Variants in CEP89 observed in about 807,000 individuals in gnomAD.
CEP89 encodes the protein centrosomal protein 89.
Under a neutral mutation model 97.6 loss-of-function variants are expected in CEP89, and 95 were observed. The observed-to-expected ratio is 0.97, with a 90% CI of 0.82 to 1.15. The LOEUF (loss-of-function observed/expected upper bound fraction) is 1.15. CEP89 is among the 50% of genes most tolerant of loss of function. CEP89 has a pLI of 0.00. For missense variants in CEP89, 869 were observed against 947.7 expected (o/e 0.92, Z 1.09); for synonymous variants, 354 against 349.1 (o/e 1.01, Z -0.16).
At chr19:32,902,859 G>T (rs753514767) in intron 14 of CEP89, among the ~76,000 whole-genome samples, 1 of 152,184 alleles carries the variant, frequency 6.6e-6, no homozygotes, top group Non-Finnish European at 1.5e-5. Flanking sequence ...ACAGTAGGCA[G>T]AACAATTTCT....
chr19:32,945,765 G>A (rs1027036038), intron 5 of CEP89, among the ~76,000 whole-genome samples: 7 of 152,164 alleles, frequency 4.6e-5, no homozygotes, highest in African/African-American at 1.7e-4. Context: ...GGCCTCCCAA[G>A]GAGCTGGGAT....
rs772525877 is a variant in CEP89 at position 32,900,002 on chromosome 19, G to C, written c.1734-4C>G. ...CTCAATTTTCTTTTGAGATTTCCTAGAGAGTTACCCCAAATGGTAGAATAA... is the reference window on the plus strand; with the variant it reads ...CTCAATTTTCTTTTGAGATTTCCTACAGAGTTACCCCAAATGGTAGAATAA... On this transcript the variant is annotated splice_region_variant and splice_polypyrimidine_tract_variant and intron_variant, in intron 15 of 18. Transcript: ENST00000305768. The C allele has an allele frequency of 1.9e-6, 3 of 1,613,788 alleles. No individual in the cohort carries two copies. Among genetic ancestry groups the C allele is most frequent in the Non-Finnish European group, 2.5e-6 (3 of 1,179,902 alleles).
At chr19:32,945,585 C>A (rs1970780960) in intron 5 of CEP89, among the ~76,000 whole-genome samples, 1 of 152,220 alleles carries the variant, frequency 6.6e-6, no homozygotes, top group South Asian at 2.1e-4. Context: ...GTAGAGGGTG[C>A]TGGAGAGACG....
chr19:32,928,346 TTTCCTTCCGCCC>T (rs1449787750), intron 9 of CEP89, among the ~76,000 whole-genome samples: 5 of 152,104 alleles, frequency 3.3e-5, no homozygotes, highest in Non-Finnish European at 7.4e-5. Flanking sequence ...ACTGGTTTCT[TTTCCTTCCGCCC>T]TTCCTTCCTC....
rs557874791 is a variant in CEP89, at chr19:32,936,324, G to A, written c.667+1307C>T. ...CTTTGGGCACCCATGAGCACAGGAG[G>A]GAAAGACAAGGGGGTGCTGAGGATG... On this transcript the variant is annotated intron_variant, in intron 7 of 18. Coordinates refer to ENST00000305768, the MANE Select transcript of CEP89 (RefSeq NM_032816.5). The surrounding 1 kb of genome is among the most constrained non-coding windows in gnomAD (Gnocchi z 4.5). Among the ~76,000 whole-genome samples the A allele has an allele frequency of 6.6e-6, 1 of 152,320 alleles. No homozygotes were observed. Among genetic ancestry groups the A allele is most frequent in the South Asian group, 2.1e-4 (1 of 4,824 alleles).
chr19:32,938,445 C>A (rs776554585), intron 6 of CEP89, among the ~76,000 whole-genome samples: 1 of 152,116 alleles, frequency 6.6e-6, no homozygotes, highest in Non-Finnish European at 1.5e-5. Flanking sequence ...GCTTCTCAAC[C>A]CCAAACCTAG....
chr19:32,885,718 T>C (rs1048358196), intron 17 of CEP89, among the ~76,000 whole-genome samples: 2 of 152,242 alleles, frequency 1.3e-5, no homozygotes, highest in Non-Finnish European at 2.9e-5. Context: ...TTTCAGGACA[T>C]AGATTCAAGT....
chr19:32,969,254 T>C lies in CEP89; in HGVS notation c.39+2582A>G, dbSNP rs1402076842. On this transcript the variant is annotated intron_variant, in intron 1 of 18. Transcript: ENST00000305768. ...TGTCCCCTCGTCTCTACCATCTTCATCCTCTGGCTATTCTCTGCGCTGCTC... is the reference window on the plus strand; with the variant it reads ...TGTCCCCTCGTCTCTACCATCTTCACCCTCTGGCTATTCTCTGCGCTGCTC... The C allele has an allele frequency of 4.6e-5, 7 of 152,492 alleles. No individual in the cohort carries two copies. In the East Asian group the frequency reaches 1.3e-3, roughly 29 times the overall value. 9.4% of individuals were successfully genotyped at this position (152,492 alleles called of 1,614,324 possible). A position where few individuals can be genotyped will look rare whatever the true frequency, so the allele number is the denominator to read the frequency against.
chr19:32,951,534 T>TATATATATACAC (rs1407110112), intron 4 of CEP89, among the ~76,000 whole-genome samples: 27 of 122,034 alleles, frequency 2.2e-4, no homozygotes, highest in African/African-American at 8.9e-4. Flanking sequence ...TATATATATA[T>TATATATATACAC]ACACACACAC....
chr19:32,951,893 A>T (rs1568576966), intron 4 of CEP89, among the ~76,000 whole-genome samples: 1 of 152,080 alleles, frequency 6.6e-6, no homozygotes. Context: ...TATTGTAGTA[A>T]GCTTTCCCTC....
intron 3 of CEP89, 106 bp downstream of exon 3, chr19:32,959,794 T>TACACA: frequency 8.0e-7 from 1 of 1,250,070 alleles, no homozygotes; most frequent in Non-Finnish European, 1.1e-6. Flanking sequence ...CCCACACAGG[T>TACACA]ACACATGCAC....
intron 5 of CEP89, among the ~76,000 whole-genome samples, chr19:32,943,693 T>A (rs1476706847): frequency 6.6e-6 from 1 of 151,008 alleles, no homozygotes; most frequent in African/African-American, 2.4e-5. Context: ...CATTAGGTAG[T>A]GGGGAGGGAG....
chr19:32,967,284 G>C (rs1971303480), intron 1 of CEP89, among the ~76,000 whole-genome samples: 1 of 152,106 alleles, frequency 6.6e-6, no homozygotes, highest in South Asian at 2.1e-4. Context: ...TCCGCTTTAG[G>C]TAACTGTAAC....
In CEP89 at chr19:32,922,847, C is replaced by CA. The variant is rs11299527; in HGVS notation, c.1268+591dup. ...TGGCCAACACAGCAAGACTCTGTCT[C>CA]AAAAAAAAAAAAAGAAAAGAAACAG... On this transcript the variant is annotated intron_variant, in intron 12 of 18. Transcript: ENST00000305768. 4.3e-4 allele frequency among the ~76,000 whole-genome samples: 62 copies of CA among 144,274 alleles called. No individual in the cohort carries two copies. In the East Asian group the frequency reaches 8.1e-3, roughly 19 times the overall value. 94.6% of individuals were successfully genotyped at this position (144,274 alleles called of 152,430 possible). A position where few individuals can be genotyped will look rare whatever the true frequency, so the allele number is the denominator to read the frequency against.
chr19:32,956,530 G>A (rs1288185777), intron 3 of CEP89, among the ~76,000 whole-genome samples: 1 of 151,608 alleles, frequency 6.6e-6, no homozygotes, highest in African/African-American at 2.4e-5. Flanking sequence ...ATGCCAGGAT[G>A]ATTTTTGTAT....
At chr19:32,880,274 G>A (rs984937317) in intron 18 of CEP89, among the ~76,000 whole-genome samples, 1 of 152,236 alleles carries the variant, frequency 6.6e-6, no homozygotes, top group African/African-American at 2.4e-5. Context: ...TTTGCAGGTG[G>A]ACTTCGCACC....
Position 32,891,107 on chromosome 19 carries a change from G to A in CEP89, c.1876-3266C>T, listed in dbSNP as rs190612983. Among the ~76,000 whole-genome samples the A allele has an allele frequency of 1.1e-3, 168 of 152,278 alleles. 2 individuals are homozygous for A. Among genetic ancestry groups the A allele is most frequent in the South Asian group, 3.7e-3 (18 of 4,826 alleles). On this transcript the variant is annotated intron_variant, in intron 16 of 18. Coordinates refer to ENST00000305768, the MANE Select transcript of CEP89 (RefSeq NM_032816.5). ...GGCTGCCCATGAGAGCAAGGGAGCC[G>A]AAGCAAGTGCTCCCCAATCCTGAAA...
At chr19:32,881,454 C>T (rs548992941) in intron 18 of CEP89, among the ~76,000 whole-genome samples, 26 of 152,192 alleles carry the variant, frequency 1.7e-4, no homozygotes, top group African/African-American at 4.8e-4. Flanking sequence ...CGCTTGAATC[C>T]GGGAGGCGGA....
At chr19:32,938,709 G>A (rs1026035616) in intron 6 of CEP89, among the ~76,000 whole-genome samples, 2 of 152,136 alleles carry the variant, frequency 1.3e-5, no homozygotes, top group Non-Finnish European at 2.9e-5. Context: ...AGCACTTTAG[G>A]AGCCCGAGGC....
Sources: gnomAD v4.1 joint callset for allele counts (sites outside exome capture counted in the v4.1 genomes callset) on GRCh38, gnomAD v4.1.1 for gene constraint, Gnocchi (gnomAD v3.1) non-coding constraint, MANE v1.5 for transcripts, NCBI Gene and HGNC (gene_info 2026-07-23, HGNC 2026-07-21) for gene names.